SNTG1: variants seen among roughly 807,000 people sequenced by gnomAD.
SNTG1 encodes the protein gamma-1-syntrophin.
In SNTG1, 39 loss-of-function variants were observed where a neutral mutation model predicts 74.7. The ratio of observed to expected loss-of-function variants is 0.52; its 90% confidence interval spans 0.40 to 0.68. SNTG1 has a LOEUF of 0.68. SNTG1 is among the 30% of genes least tolerant of loss of function. The pLI is 0.00. For synonymous variants in SNTG1, 254 were observed against 217.1 expected, an observed-to-expected ratio of 1.17 and a Z score of -1.49; for missense variants, 685 against 609.5, an observed-to-expected ratio of 1.12 and a Z score of -1.30.
chr8:50,473,249 C>T (rs1227316678), intron 8 of SNTG1, among the ~76,000 whole-genome samples: 1 of 152,162 alleles, frequency 6.6e-6, no homozygotes, highest in Non-Finnish European at 1.5e-5. Flanking sequence ...TTTGGCACTT[C>T]TCCTTCCTGC....
chr8:50,496,236 C>G (rs1585462587), intron 8 of SNTG1, among the ~76,000 whole-genome samples: 1 of 152,082 alleles, frequency 6.6e-6, no homozygotes, highest in Non-Finnish European at 1.5e-5. Flanking sequence ...TACTGGCGGG[C>G]AGAAATACGT....
chr8:50,345,627 A>G (rs2091449032), intron 2 of SNTG1, among the ~76,000 whole-genome samples: 1 of 152,220 alleles, frequency 6.6e-6, no homozygotes, highest in African/African-American at 2.4e-5. Flanking sequence ...ATTAATCTCC[A>G]CTTTATGCTC....
chr8:50,167,694 T>G (rs2082673704), intron 1 of SNTG1, among the ~76,000 whole-genome samples: 1 of 150,810 alleles, frequency 6.6e-6, no homozygotes, highest in Non-Finnish European at 1.5e-5. Context: ...GCGCCTGTAG[T>G]CCCAGCTATT....
intron 1 of SNTG1, among the ~76,000 whole-genome samples, chr8:50,085,758 C>T (rs1445317654): frequency 1.3e-5 from 2 of 152,210 alleles, no homozygotes; most frequent in African/African-American, 2.4e-5. Flanking sequence ...AACCCTGGAA[C>T]AGTAAACATC....
intron 1 of SNTG1, among the ~76,000 whole-genome samples, chr8:50,087,682 G>C (rs984792420): frequency 1.3e-5 from 2 of 152,180 alleles, no homozygotes; most frequent in South Asian, 2.1e-4. Flanking sequence ...GAGGATAATA[G>C]TGTTATTAAC....
rs368256566 is a variant in SNTG1, at chr8:50,248,188, G to A, written c.-28+75553G>A. 5.9e-5 allele frequency among the ~76,000 whole-genome samples: 9 copies of A among 152,210 alleles called. No homozygotes were observed. In the South Asian group the frequency reaches 1.5e-3, roughly 25 times the overall value. ...CATATAAGCTCAGATTCTAAGGAAC[G>A]AGGAGTTAGGACTTCAACATTTGCA... On this transcript the variant is annotated intron_variant, in intron 2 of 18. Coordinates refer to ENST00000642720, the MANE Select transcript of SNTG1 (RefSeq NM_018967.5).
intron 14 of SNTG1, 76 bp downstream of exon 14, chr8:50,657,101 T>C: frequency 1.5e-6 from 1 of 670,530 alleles, no homozygotes; most frequent in Admixed American, 2.9e-5. Context: ...CAGCACCAAA[T>C]AGTATACCAT....
At chr8:49,912,640 A>T (rs932274194) in intron 1 of SNTG1, among the ~76,000 whole-genome samples, 1 of 152,232 alleles carries the variant, frequency 6.6e-6, no homozygotes, top group Non-Finnish European at 1.5e-5. Context: ...GCCCTCTAAC[A>T]TATTTTATAT....
intron 9 of SNTG1, among the ~76,000 whole-genome samples, chr8:50,519,448 G>A (rs1187107899): frequency 2.0e-5 from 3 of 152,066 alleles, no homozygotes; most frequent in Non-Finnish European, 4.4e-5. Flanking sequence ...TGGAAGTTCT[G>A]GCCAGGGCAA....
intron 13 of SNTG1, among the ~76,000 whole-genome samples, chr8:50,651,636 T>C (rs968232783): frequency 6.6e-6 from 1 of 151,788 alleles, no homozygotes; most frequent in African/African-American, 2.4e-5. Context: ...TTTGTATTTT[T>C]AGTAGAGACG....
chr8:50,001,970 C>T (rs548506666), intron 1 of SNTG1, among the ~76,000 whole-genome samples: 13 of 152,186 alleles, frequency 8.5e-5, no homozygotes, highest in South Asian at 6.2e-4. Flanking sequence ...GTAAAGCTGA[C>T]GAATCAGGCT....
intron 1 of SNTG1, among the ~76,000 whole-genome samples, chr8:50,090,437 A>T (rs2079681796): frequency 6.6e-6 from 1 of 152,168 alleles, no homozygotes; most frequent in Non-Finnish European, 1.5e-5. Context: ...TCATGGTGGT[A>T]AGATAGCTTC....
intron 12 of SNTG1, among the ~76,000 whole-genome samples, chr8:50,558,292 A>G (rs923249290): frequency 3.9e-5 from 6 of 152,172 alleles, no homozygotes; most frequent in African/African-American, 1.4e-4. Context: ...ACCAAAACAA[A>G]GGAACAGTAA....
intron 2 of SNTG1, among the ~76,000 whole-genome samples, chr8:50,377,621 T>C (rs1303184088): frequency 6.6e-6 from 1 of 152,134 alleles, no homozygotes; most frequent in Non-Finnish European, 1.5e-5. Flanking sequence ...TAAAAATAAA[T>C]ATACACACAA....
rs1004611971 is a variant in SNTG1 at position 50,467,293 on chromosome 8, T to G, written c.363+16564T>G. On this transcript the variant is annotated intron_variant, in intron 8 of 18. Coordinates refer to ENST00000642720, the MANE Select transcript of SNTG1 (RefSeq NM_018967.5). ...ATAATTTACTAACGAAACTCTAGAT[T>G]TCGTGCTTTCTTTTTGTAATGTTAT... 7.2e-5 allele frequency among the ~76,000 whole-genome samples: 11 copies of G among 151,932 alleles called. 1 individual carries two copies. Among genetic ancestry groups the G allele is most frequent in the African/African-American group, 2.2e-4 (9 of 41,438 alleles).
intron 18 of SNTG1, among the ~76,000 whole-genome samples, chr8:50,777,686 T>TC (rs1293901694): frequency 1.3e-5 from 2 of 151,458 alleles, no homozygotes; most frequent in Admixed American, 1.3e-4. Context: ...TCTCTCTCTC[T>TC]TTTTTTTAAT....
intron 18 of SNTG1, among the ~76,000 whole-genome samples, chr8:50,757,276 A>G (rs1463591550): frequency 6.6e-6 from 1 of 151,910 alleles, no homozygotes; most frequent in Non-Finnish European, 1.5e-5. Context: ...ATTTTGAATA[A>G]GCTTTGTATA....
intron 17 of SNTG1, among the ~76,000 whole-genome samples, chr8:50,748,987 A>G (rs1379360560): frequency 6.6e-6 from 1 of 152,052 alleles, no homozygotes; most frequent in Non-Finnish European, 1.5e-5. Flanking sequence ...CTCTCACTTT[A>G]AATCAAAATC....
intron 2 of SNTG1, among the ~76,000 whole-genome samples, chr8:50,318,151 T>G (rs1194847394): frequency 3.3e-5 from 5 of 152,112 alleles, no homozygotes; most frequent in Admixed American, 3.3e-4. Context: ...TTGTCTGAGT[T>G]GTAATTACTA....
Sources: gnomAD v4.1 joint callset for allele counts (sites outside exome capture counted in the v4.1 genomes callset) on GRCh38, gnomAD v4.1.1 for gene constraint, MANE v1.5 for transcripts, NCBI Gene and HGNC (gene_info 2026-07-23, HGNC 2026-07-21) for gene names.